REV3L: variants seen among roughly 807,000 people sequenced by gnomAD.
REV3L encodes the protein REV3 like, DNA directed polymerase zeta catalytic subunit.
In REV3L, 69 loss-of-function variants were observed where a neutral mutation model predicts 299.4. The observed-to-expected ratio is 0.23, with a 90% CI of 0.19 to 0.28. The LOEUF is 0.28. Ranked by LOEUF, REV3L falls within the 10% of genes least tolerant of loss-of-function variation. The probability of loss-of-function intolerance (pLI) is 1.00; values close to 1 mark genes in which losing one functional copy is unlikely to be tolerated. For missense variants in REV3L, 3,128 were observed against 3,693.8 expected (o/e 0.85, Z 3.97); for synonymous variants, 1,238 against 1,271.4 (o/e 0.97, Z 0.56).
intron 1 of REV3L, among the ~76,000 whole-genome samples, chr6:111,437,492 A>G (rs1326808100): frequency 4.6e-5 from 7 of 151,538 alleles, no homozygotes; most frequent in Non-Finnish European, 1.0e-4. Context: ...AAACTTTTTA[A>G]TTTTTAGCAT....
chr6:111,352,470 T>C (rs1053630286), intron 18 of REV3L, among the ~76,000 whole-genome samples: 2 of 152,024 alleles, frequency 1.3e-5, no homozygotes, highest in African/African-American at 4.8e-5. Context: ...TGTGAGGGTG[T>C]GTGTGGGTAT....
At chr6:111,313,965 A>G (rs1773252454) in intron 27 of REV3L, among the ~76,000 whole-genome samples, 1 of 152,222 alleles carries the variant, frequency 6.6e-6, no homozygotes, top group Non-Finnish European at 1.5e-5. Flanking sequence ...CCAGCCCAGG[A>G]GGACGCAATT....
At chr6:111,477,098 C>T (rs959926544) in intron 1 of REV3L, among the ~76,000 whole-genome samples, 1 of 152,178 alleles carries the variant, frequency 6.6e-6, no homozygotes, top group African/African-American at 2.4e-5. Context: ...ACAGCACTTT[C>T]CCATGTTATT....
intron 31 of REV3L, among the ~76,000 whole-genome samples, chr6:111,304,007 A>G (rs1178395735): frequency 6.6e-6 from 1 of 152,140 alleles, no homozygotes; most frequent in East Asian, 1.9e-4. Flanking sequence ...GGCATGAGTC[A>G]CCACACCTGG....
chr6:111,344,067 T>C (rs1221098076), intron 20 of REV3L, 24 bp from the exon 21 acceptor site: 5 of 1,471,382 alleles, frequency 3.4e-6, no homozygotes, highest in African/African-American at 2.8e-5. Context: ...CAAGACACCA[T>C]TATAATAATG....
Position 111,380,078 on chromosome 6 carries a change from T to C in REV3L, c.1358A>G (p.Glu453Gly), listed in dbSNP as rs1178163724. 6.2e-6 allele frequency: 10 copies of C among 1,614,030 alleles called. No individual in the cohort carries two copies. In the South Asian group the frequency reaches 1.1e-4, roughly 18 times the overall value. ...CTCTTTTTCAATCTGTGGTTCATTTTCTTCATCATCACTATTTTGTGGATA... is the reference window on the plus strand; with the variant it reads ...CTCTTTTTCAATCTGTGGTTCATTTCCTTCATCATCACTATTTTGTGGATA... ...NKYPQNSDDE[E>G]NEPQIEKEEM... Residue 453 changes from glutamate to glycine, a missense_variant, in exon 11 of 32, where the codon GAA (glutamate) becomes GGA (glycine). Coordinates refer to ENST00000368802, the MANE Select transcript of REV3L (RefSeq NM_001372078.1).
At chr6:111,389,727 ATTTTTTTTTTTTTTTTTT>A (rs10713895) in intron 6 of REV3L, among the ~76,000 whole-genome samples, 2 of 81,340 alleles carry the variant, frequency 2.5e-5, no homozygotes, top group African/African-American at 4.4e-5. Flanking sequence ...TTGGTCATTA[ATTTTTTTTTTTTTTTTTT>A]TTTTTTTTTT....
Position 111,373,890 on chromosome 6 carries a change from C to G in REV3L, c.4465G>C (p.Glu1489Gln). The change falls in exon 13 of 32, where the codon GAA becomes CAA. Residue 1489 changes from glutamate (E) to glutamine (Q), a missense_variant. Glu to Gln is a conservative substitution (Grantham distance 29). Coordinates refer to ENST00000368802, the MANE Select transcript of REV3L (RefSeq NM_001372078.1). ...FILDMSNFKPERVKPRSLSEA... is the reference protein window; with the variant it reads ...FILDMSNFKPQRVKPRSLSEA... ...GATAACGACCTCGGTTTTACTCTTT[C>G]AGGTTTAAAATTTGACATATCTAAA... is the stretch of plus-strand genomic sequence containing the variant. The G allele has an allele frequency of 1.2e-6, 2 of 1,613,886 alleles. No homozygotes were observed.
At chr6:111,301,756 T>TATA (rs1174237272) in intron 31 of REV3L, among the ~76,000 whole-genome samples, 1 of 152,166 alleles carries the variant, frequency 6.6e-6, no homozygotes, top group African/African-American at 2.4e-5. Context: ...AGAGAAGCAC[T>TATA]ATAATGTTTT....
At chr6:111,357,473 A>C (rs1464215781) in intron 17 of REV3L, among the ~76,000 whole-genome samples, 1 of 152,138 alleles carries the variant, frequency 6.6e-6, no homozygotes, top group Non-Finnish European at 1.5e-5. Context: ...CAGGCGGATC[A>C]CGAGGTCAGG....
intron 9 of REV3L, among the ~76,000 whole-genome samples, chr6:111,385,042 A>C (rs527625547): frequency 7.9e-5 from 12 of 152,208 alleles, no homozygotes; most frequent in African/African-American, 2.9e-4. Context: ...GTGGGGGCTA[A>C]TTAATAATTT....
rs1448911997 is a variant in REV3L at position 111,329,561 on chromosome 6, T to G, written c.8212A>C (p.Asn2738His). Reference protein sequence around the residue: ...ANVTFGYTSANFSGRMPCIEV... With the variant: ...ANVTFGYTSAHFSGRMPCIEV... The stretch of plus-strand genomic sequence containing the variant: ...ATGCATGGCATTCTCCCAGAAAAAT[T>G]AGCAGATGTATAGCCAAATGTGACA... Residue 2738 changes from asparagine to histidine, a missense_variant, in exon 25 of 32, where the codon AAT (asparagine) becomes CAT (histidine). Physicochemically the swap from Asn to His is moderately conservative, Grantham distance 68. Transcript: ENST00000368802. The G allele has an allele frequency of 2.5e-6, 4 of 1,614,150 alleles. No homozygotes were observed. Among genetic ancestry groups the G allele is most frequent in the Non-Finnish European group, 3.4e-6 (4 of 1,180,026 alleles).
chr6:111,305,634 G>T (rs1413347746), intron 31 of REV3L, among the ~76,000 whole-genome samples: 1 of 151,886 alleles, frequency 6.6e-6, no homozygotes. Context: ...AAAAAAGAAT[G>T]AACACCTAAT....
At position 111,350,727 on chromosome 6, in the gene REV3L, C is replaced by A. The variant is rs564155311; in HGVS notation, c.7300+949G>T. Among the ~76,000 whole-genome samples, 4 of 151,256 alleles carry A rather than the reference C, an allele frequency of 2.6e-5. No homozygotes were observed. In the Admixed American group the frequency reaches 2.6e-4, roughly 10 times the overall value. ...GAGTAGCTGGGACTACAGGCACAAG[C>A]TATCACACCTGGCTAATTTTCTTTC... On this transcript the variant is annotated intron_variant, in intron 19 of 31. Coordinates refer to ENST00000368802, the MANE Select transcript of REV3L (RefSeq NM_001372078.1).
At chr6:111,344,101 G>C in intron 20 of REV3L, 58 bp from the exon 21 acceptor site, 1 of 1,182,818 alleles carries the variant, frequency 8.5e-7, no homozygotes, top group Non-Finnish European at 1.2e-6. Context: ...AGCAAATTTG[G>C]TTCTAAAAGA....
At chr6:111,445,401 A>C (rs1026408566) in intron 1 of REV3L, among the ~76,000 whole-genome samples, 2 of 152,230 alleles carry the variant, frequency 1.3e-5, no homozygotes, top group Non-Finnish European at 2.9e-5. Flanking sequence ...TTTTTTTAAA[A>C]AACAGCTAAA....
At chr6:111,410,997 A>G (rs201853987) in intron 3 of REV3L, among the ~76,000 whole-genome samples, 1 of 152,126 alleles carries the variant, frequency 6.6e-6, no homozygotes, top group Non-Finnish European at 1.5e-5. Flanking sequence ...AGAGGCAGGG[A>G]GACTAACTGA....
At chr6:111,466,609 G>C (rs1406200800) in intron 1 of REV3L, among the ~76,000 whole-genome samples, 3 of 152,172 alleles carry the variant, frequency 2.0e-5, no homozygotes, top group Non-Finnish European at 4.4e-5. Context: ...GGCTGAGATG[G>C]GCAGATCACC....
intron 1 of REV3L, among the ~76,000 whole-genome samples, chr6:111,482,112 C>A (rs1793765733): frequency 6.6e-6 from 1 of 152,182 alleles, no homozygotes; most frequent in African/African-American, 2.4e-5. Context: ...TGCCCTGTCC[C>A]CCGACGCTCA....
Sources: gnomAD v4.1 joint callset for allele counts (sites outside exome capture counted in the v4.1 genomes callset) on GRCh38, gnomAD v4.1.1 for gene constraint, MANE v1.5 for transcripts, NCBI Gene and HGNC (gene_info 2026-07-23, HGNC 2026-07-21) for gene names.